SCAPER: variants seen among roughly 807,000 people sequenced by gnomAD.
SCAPER encodes the protein S-phase cyclin A associated protein in the ER.
SCAPER carries 98 observed loss-of-function variants against 182.2 expected under a neutral mutation model. The observed-to-expected ratio is 0.54, with a 90% CI of 0.46 to 0.64. The LOEUF (loss-of-function observed/expected upper bound fraction) is 0.64. Among genes scored for constraint, SCAPER ranks in the 30% least tolerant of loss-of-function variants. The probability of loss-of-function intolerance (pLI) is 0.00; values close to 1 mark genes in which losing one functional copy is unlikely to be tolerated. For missense variants in SCAPER, 1,432 were observed against 1,690.0 expected (o/e 0.85, Z 2.68); for synonymous variants, 605 against 564.6 (o/e 1.07, Z -1.01).
intron 24 of SCAPER, among the ~76,000 whole-genome samples, chr15:76,471,544 A>C (rs1465281569): frequency 6.6e-6 from 1 of 152,220 alleles, no homozygotes; most frequent in Non-Finnish European, 1.5e-5. Context: ...ACTGGTACCT[A>C]ATAACTCTTA....
intron 26 of SCAPER, among the ~76,000 whole-genome samples, chr15:76,427,508 A>G (rs1172727239): frequency 3.3e-5 from 5 of 152,168 alleles, no homozygotes; most frequent in African/African-American, 7.2e-5. Context: ...TAGGACCACA[A>G]TGAGATACCA....
intron 24 of SCAPER, among the ~76,000 whole-genome samples, chr15:76,477,097 A>C (rs536840922): frequency 7.9e-5 from 12 of 152,234 alleles, no homozygotes; most frequent in East Asian, 5.8e-4. Context: ...AAAGAACACA[A>C]CACCAAACTG....
At chr15:76,448,100 T>G (rs1017317002) in intron 25 of SCAPER, among the ~76,000 whole-genome samples, 13 of 152,166 alleles carry the variant, frequency 8.5e-5, no homozygotes, top group African/African-American at 1.2e-4. Context: ...TGTATGAGAC[T>G]GTCAGATCAC....
At chr15:76,719,713 A>G (rs2060093730) in intron 17 of SCAPER, among the ~76,000 whole-genome samples, 1 of 152,174 alleles carries the variant, frequency 6.6e-6, no homozygotes, top group African/African-American at 2.4e-5. Context: ...TAAGGCAGAT[A>G]TCTTTAATAG....
chr15:76,430,375 G>A (rs971933985), intron 26 of SCAPER, among the ~76,000 whole-genome samples: 12 of 152,180 alleles, frequency 7.9e-5, no homozygotes, highest in Non-Finnish European at 2.9e-5. Flanking sequence ...CTTGCACCAC[G>A]TGCCTGGAAA....
intron 29 of SCAPER, among the ~76,000 whole-genome samples, chr15:76,370,407 C>T (rs111995541): frequency 2.7e-5 from 4 of 149,370 alleles, no homozygotes; most frequent in African/African-American, 5.0e-5. Flanking sequence ...CGGGTTCAAG[C>T]GATTCTCCTG....
At chr15:76,834,950 AC>A (rs1235010006) in intron 5 of SCAPER, among the ~76,000 whole-genome samples, 1 of 152,198 alleles carries the variant, frequency 6.6e-6, no homozygotes, top group Non-Finnish European at 1.5e-5. Flanking sequence ...AGACAGATTC[AC>A]AGCGGAATTC....
chr15:76,668,444 C>T (rs1229270827), intron 20 of SCAPER, among the ~76,000 whole-genome samples: 3 of 152,178 alleles, frequency 2.0e-5, no homozygotes, highest in Non-Finnish European at 4.4e-5. Context: ...TCTCTCTGAT[C>T]TCATCTACCA....
chr15:76,850,151 A>G (rs1299381532), intron 4 of SCAPER, among the ~76,000 whole-genome samples: 1 of 152,248 alleles, frequency 6.6e-6, no homozygotes, highest in East Asian at 1.9e-4. Context: ...ATGAAATCAA[A>G]CAAAAGAAGT....
At chr15:76,677,850 A>G (rs1480116199) in intron 20 of SCAPER, among the ~76,000 whole-genome samples, 1 of 151,580 alleles carries the variant, frequency 6.6e-6, no homozygotes, top group Admixed American at 6.6e-5. Context: ...CATATTTCCT[A>G]TTTTTTAAGA....
intron 1 of SCAPER, among the ~76,000 whole-genome samples, chr15:76,903,060 CAAA>C (rs34255827): frequency 3.6e-5 from 5 of 137,912 alleles, no homozygotes; most frequent in Non-Finnish European, 3.1e-5. Flanking sequence ...GACTCGGTTT[CAAA>C]AAAAAAAAAA....
intron 29 of SCAPER, among the ~76,000 whole-genome samples, chr15:76,357,190 C>CACACACACACACACACACA (rs1364364928): frequency 1.7e-4 from 7 of 40,126 alleles, no homozygotes; most frequent in Non-Finnish European, 5.6e-4. Flanking sequence ...ACACACACAC[C>CACACACACACACACACACA]CCTATGGCCA....
In SCAPER at chr15:76,879,130, C is replaced by T. The variant is rs76432258; in HGVS notation, c.6+4682G>A. On this transcript the variant is annotated intron_variant, in intron 2 of 31. Coordinates refer to ENST00000563290, the MANE Select transcript of SCAPER (RefSeq NM_020843.4). ...ATTCTTTTCCTTCTTTGCCATGCTC[C>T]AAAATCAGACTTTCATGCAGTTCCC... 2.0e-5 allele frequency among the ~76,000 whole-genome samples: 3 copies of T among 152,280 alleles called. No individual in the cohort carries two copies. In the East Asian group the frequency reaches 5.8e-4, roughly 29 times the overall value.
chr15:76,669,517 C>T (rs1355266983), intron 20 of SCAPER, among the ~76,000 whole-genome samples: 1 of 152,212 alleles, frequency 6.6e-6, no homozygotes, highest in African/African-American at 2.4e-5. Context: ...ACCATCCATA[C>T]TACCATTTAT....
intron 20 of SCAPER, among the ~76,000 whole-genome samples, chr15:76,681,482 A>G (rs913750040): frequency 2.6e-5 from 4 of 152,190 alleles, no homozygotes; most frequent in African/African-American, 4.8e-5. Context: ...TGCAGCCAGG[A>G]GGAACATCTA....
intron 24 of SCAPER, among the ~76,000 whole-genome samples, chr15:76,499,241 C>T (rs1244726908): frequency 6.6e-6 from 1 of 152,174 alleles, no homozygotes; most frequent in Non-Finnish European, 1.5e-5. Context: ...ATGCTCACAC[C>T]TAGCTCAGCT....
intron 16 of SCAPER, among the ~76,000 whole-genome samples, chr15:76,729,026 C>T (rs1042618949): frequency 2.6e-5 from 4 of 151,960 alleles, no homozygotes; most frequent in East Asian, 1.9e-4. Context: ...CAGCTGCCAG[C>T]GAGGCTAGAA....
At chr15:76,460,838 G>A (rs1166347311) in intron 25 of SCAPER, among the ~76,000 whole-genome samples, 1 of 152,028 alleles carries the variant, frequency 6.6e-6, no homozygotes, top group Non-Finnish European at 1.5e-5. Flanking sequence ...CTTTTGGTAA[G>A]CACTTTTAGG....
At position 76,794,239 on chromosome 15, in the gene SCAPER, T is replaced by C. The variant is rs115077087; in HGVS notation, c.772+1041A>G. ...TATTATTTCACCTCAACTAGGTGAG[T>C]TATTCATGAATAATCTGAAGTGGAC... On this transcript the variant is annotated intron_variant, in intron 8 of 31. Coordinates refer to ENST00000563290, the MANE Select transcript of SCAPER (RefSeq NM_020843.4). 8.1e-3 allele frequency among the ~76,000 whole-genome samples: 1,235 copies of C among 152,242 alleles called. 13 individuals carry two copies. Among genetic ancestry groups the C allele is most frequent in the African/African-American group, 0.028 (1,171 of 41,530 alleles).
Sources: gnomAD v4.1 joint callset for allele counts (sites outside exome capture counted in the v4.1 genomes callset) on GRCh38, gnomAD v4.1.1 for gene constraint, MANE v1.5 for transcripts, NCBI Gene and HGNC (gene_info 2026-07-23, HGNC 2026-07-21) for gene names.